The following TOM1L2 variants were observed in gnomAD, a reference collection of about 807,000 sequenced individuals.
The protein encoded by TOM1L2 is TOM1-like protein 2.
TOM1L2 carries 31 observed loss-of-function variants against 67.9 expected under a neutral mutation model. The observed-to-expected ratio is 0.46, with a 90% confidence interval of 0.34 to 0.62. The LOEUF (loss-of-function observed/expected upper bound fraction) is 0.62. Ranked by LOEUF, TOM1L2 falls within the 20% of genes least tolerant of loss-of-function variation. The probability of loss-of-function intolerance (pLI) is 0.01; values close to 1 mark genes in which losing one functional copy is unlikely to be tolerated. For synonymous variants in TOM1L2, 256 were observed against 254.0 expected (o/e 1.01, Z -0.07); for missense variants, 606 against 663.5 (o/e 0.91, Z 0.95).
intron 1 of TOM1L2, among the ~76,000 whole-genome samples, chr17:17,971,966 G>A (rs1481237192): frequency 6.6e-6 from 1 of 151,856 alleles, no homozygotes; most frequent in East Asian, 1.9e-4. Context: ...CCGGGAGGTG[G>A]CACCGGCGCC....
At chr17:17,958,050 A>G (rs1244491403) in intron 1 of TOM1L2, among the ~76,000 whole-genome samples, 2 of 151,758 alleles carry the variant, frequency 1.3e-5, no homozygotes, top group African/African-American at 4.8e-5. Context: ...AGATTGTGCC[A>G]CTGCACTCCA....
In TOM1L2 at chr17:17,847,730, G is replaced by A. The variant is rs2035727447; in HGVS notation, c.1429C>T (p.Leu477Phe). Reference protein sequence around the residue: ...RAKAAEMVPDLPSPPMEAPAP... With the variant: ...RAKAAEMVPDFPSPPMEAPAP... ...GGAGCCTCCATGGGGGGCGAGGGGA[G>A]GTCGGGAACCATTTCAGCAGCTTTG... The change falls in exon 15 of 15, where the codon CTC becomes TTC. Residue 477 changes from leucine (L) to phenylalanine (F), a missense_variant. By Grantham distance (22) the Leu-to-Phe change is conservative. Transcript: ENST00000379504. 2 of 1,613,984 alleles carry A rather than the reference G, an allele frequency of 1.2e-6. No individual in the cohort carries two copies. The highest frequency in any genetic ancestry group is 1.7e-6 in the Non-Finnish European group (2 of 1,180,026).
intron 1 of TOM1L2, among the ~76,000 whole-genome samples, chr17:17,948,525 G>A (rs1327132397): frequency 1.3e-5 from 2 of 152,266 alleles, no homozygotes; most frequent in South Asian, 2.1e-4. Flanking sequence ...GGTGGTGCAC[G>A]TCTGTAATCC....
intron 12 of TOM1L2, among the ~76,000 whole-genome samples, chr17:17,852,369 G>A (rs1006621324): frequency 6.6e-6 from 1 of 152,024 alleles, no homozygotes; most frequent in African/African-American, 2.4e-5. Flanking sequence ...CTCTGAGCAG[G>A]TATCTACGAT....
intron 7 of TOM1L2, among the ~76,000 whole-genome samples, chr17:17,874,887 A>G (rs958900646): frequency 6.6e-6 from 1 of 152,208 alleles, no homozygotes; most frequent in Non-Finnish European, 1.5e-5. Flanking sequence ...GGGCTTCCAC[A>G]TCAGGGATTT....
intron 1 of TOM1L2, among the ~76,000 whole-genome samples, chr17:17,971,533 C>A (rs771067229): frequency 1.3e-5 from 2 of 152,102 alleles, no homozygotes; most frequent in Non-Finnish European, 2.9e-5. Context: ...ATTAGCAAGT[C>A]CCGGAGCAGG....
At chr17:17,856,721 A>G (rs148191024) in intron 12 of TOM1L2, among the ~76,000 whole-genome samples, 83 of 152,300 alleles carry the variant, frequency 5.4e-4, no homozygotes, top group Middle Eastern at 3.4e-3. Context: ...AGGCTCCATC[A>G]CATGTACCAC....
At chr17:17,853,900 G>T (rs1598179340) in intron 12 of TOM1L2, among the ~76,000 whole-genome samples, 1 of 152,358 alleles carries the variant, frequency 6.6e-6, no homozygotes, top group East Asian at 1.9e-4. Flanking sequence ...TTGCTAGATT[G>T]TATTTGGCTT....
chr17:17,926,549 G>C (rs1158559891), intron 1 of TOM1L2, among the ~76,000 whole-genome samples: 1 of 152,130 alleles, frequency 6.6e-6, no homozygotes, highest in Non-Finnish European at 1.5e-5. Flanking sequence ...AGAACAAACA[G>C]GGAAGATTAC....
At chr17:17,912,501 C>CCAGACGGGGTCA (rs1290065367) in intron 1 of TOM1L2, among the ~76,000 whole-genome samples, 7 of 151,794 alleles carry the variant, frequency 4.6e-5, no homozygotes, top group Admixed American at 4.6e-4. Context: ...TCCTCACCTC[C>CCAGACGGGGTCA]CAGACGGGGT....
intron 11 of TOM1L2, among the ~76,000 whole-genome samples, 175 bp from the exon 12 acceptor site, chr17:17,861,726 C>T (rs930931973): frequency 6.6e-6 from 1 of 152,112 alleles, no homozygotes; most frequent in African/African-American, 2.4e-5. Context: ...TGTCTGTCTC[C>T]CTGCAGTGGA....
rs2035635653 is a variant in TOM1L2, at chr17:17,846,177, T to C, written c.*1458A>G. The C allele has an allele frequency of 6.6e-6, 1 of 152,270 alleles. No homozygotes were observed. Among genetic ancestry groups the C allele is most frequent in the Non-Finnish European group, 1.5e-5 (1 of 68,086 alleles). The allele number at this position is 152,270 out of a possible 1,614,324, so 9.4% of individuals were successfully genotyped here. A position where few individuals can be genotyped will look rare whatever the true frequency, so the allele number is the denominator to read the frequency against. On this transcript the variant is annotated 3_prime_UTR_variant, in exon 15 of 15. Transcript: ENST00000379504. ...CAGCCCCCTTTCCCTGCTTGGCTGG[T>C]GGTCTGGGCCGTCCTGCCAGGTGGG...
In TOM1L2 at chr17:17,887,520, C is replaced by T. The variant is rs577528780; in HGVS notation, c.367-2752G>A. ...GCATGGGTCAGAGCTGTCCCCCAGG[C>T]TGGAGTACAATGGTGGTGCCATCTC... On this transcript the variant is annotated intron_variant, in intron 4 of 14. Transcript: ENST00000379504. 2.6e-5 allele frequency among the ~76,000 whole-genome samples: 4 copies of T among 152,324 alleles called. No individual in the cohort carries two copies. In the East Asian group the frequency reaches 5.8e-4, roughly 22 times the overall value.
chr17:17,893,109 T>C (rs905152972), intron 4 of TOM1L2, among the ~76,000 whole-genome samples: 2 of 152,224 alleles, frequency 1.3e-5, no homozygotes, highest in Non-Finnish European at 2.9e-5. Flanking sequence ...TGATAACAAA[T>C]ACAACCCAAA....
intron 1 of TOM1L2, among the ~76,000 whole-genome samples, chr17:17,968,670 A>G (rs2041954983): frequency 1.3e-5 from 2 of 151,840 alleles, no homozygotes; most frequent in South Asian, 4.2e-4. Context: ...ATCTCAAAAA[A>G]AAAAAAAAAA....
At chr17:17,931,156 C>T (rs1171555965) in intron 1 of TOM1L2, among the ~76,000 whole-genome samples, 1 of 152,182 alleles carries the variant, frequency 6.6e-6, no homozygotes, top group Non-Finnish European at 1.5e-5. Flanking sequence ...TTCAACCAAA[C>T]CAGACTCCTC....
chr17:17,857,856 C>G (rs138033123), intron 12 of TOM1L2: 1 of 1,535,584 alleles, frequency 6.5e-7, no homozygotes, highest in African/African-American at 1.4e-5. Flanking sequence ...ACAGAAAAGT[C>G]TCAGAAAGAA....
intron 7 of TOM1L2, chr17:17,871,882 A>T: frequency 1.3e-6 from 1 of 746,602 alleles, no homozygotes; most frequent in Non-Finnish European, 1.6e-6. Context: ...GACAAGTGCT[A>T]GAATTAATAA....
At chr17:17,861,347 G>T in intron 12 of TOM1L2, 129 bp downstream of exon 12, 1 of 796,054 alleles carries the variant, frequency 1.3e-6, no homozygotes, top group East Asian at 2.6e-5. Flanking sequence ...TCCCCCGTGG[G>T]TCTCTCCCCC....
Sources: gnomAD v4.1 joint callset for allele counts (sites outside exome capture counted in the v4.1 genomes callset) on GRCh38, gnomAD v4.1.1 for gene constraint, MANE v1.5 for transcripts, NCBI Gene and HGNC (gene_info 2026-07-23, HGNC 2026-07-21) for gene names.